Variants in KCNMA1 observed in about 807,000 individuals in gnomAD.
KCNMA1 encodes potassium calcium-activated channel subfamily M alpha 1, also known as Calcium-activated potassium channel subunit alpha-1.
KCNMA1 carries 29 observed loss-of-function variants against 140.0 expected under a neutral mutation model. The observed-to-expected ratio is 0.21, with a 90% CI of 0.15 to 0.28. The LOEUF (loss-of-function observed/expected upper bound fraction) is 0.28. Among genes scored for constraint, KCNMA1 ranks in the 10% least tolerant of loss-of-function variants. The probability of loss-of-function intolerance (pLI) is 1.00; values close to 1 mark genes in which losing one functional copy is unlikely to be tolerated. For synonymous variants in KCNMA1, 612 were observed against 611.9 expected (o/e 1.00, Z 0.00); for missense variants, 880 against 1,602.2 (o/e 0.55, Z 7.70).
At position 77,509,099 on chromosome 10, in the gene KCNMA1, GTTTTGTTGT is replaced by G. The variant is rs1418932796; in HGVS notation, c.379-105085_379-105077del. Among the ~76,000 whole-genome samples the G allele has an allele frequency of 2.4e-3, 325 of 134,560 alleles. 1 individual carries two copies. Among genetic ancestry groups the G allele is most frequent in the African/African-American group, 6.7e-3 (222 of 33,138 alleles). 88.3% of individuals were successfully genotyped at this position (134,560 alleles called of 152,430 possible). A position where few individuals can be genotyped will look rare whatever the true frequency, so the allele number is the denominator to read the frequency against. Reference sequence around the variant, plus strand: ...TTTTTTGTTGTTGTCATTTTGTTGGGTTTTGTTGTTGTTGTTGTTGTTGTTGTTGTTGTT... The same window carrying G: ...TTTTTTGTTGTTGTCATTTTGTTGGGTGTTGTTGTTGTTGTTGTTGTTGTT... On this transcript the variant is annotated intron_variant, in intron 1 of 27. Transcript: ENST00000286628.
At chr10:76,901,261 A>T (rs2045233750) in intron 25 of KCNMA1, 1 of 152,172 alleles carries the variant, frequency 6.6e-6, no homozygotes, top group Admixed American at 6.5e-5. Context: ...TGTTGGAAAC[A>T]TAGGCCATTT....
chr10:77,033,220 A>T (rs2094070880), intron 15 of KCNMA1, among the ~76,000 whole-genome samples: 1 of 152,190 alleles, frequency 6.6e-6, no homozygotes, highest in African/African-American at 2.4e-5. Context: ...CAGGAGCTTT[A>T]ATTTAAAATG....
At chr10:77,212,469 G>T (rs1039922038) in intron 3 of KCNMA1, among the ~76,000 whole-genome samples, 2 of 152,054 alleles carry the variant, frequency 1.3e-5, no homozygotes, top group Admixed American at 6.6e-5. Context: ...AAAGGACCGT[G>T]GGTTGAAAAA....
chr10:77,160,587 T>G (rs539913325), intron 5 of KCNMA1, among the ~76,000 whole-genome samples: 1 of 152,366 alleles, frequency 6.6e-6, no homozygotes, highest in Non-Finnish European at 1.5e-5. Context: ...GACCTCTAAG[T>G]CTAGCCCAGG....
At chr10:77,109,236 G>A (rs1057314506) in intron 8 of KCNMA1, among the ~76,000 whole-genome samples, 4 of 152,022 alleles carry the variant, frequency 2.6e-5, no homozygotes, top group African/African-American at 7.3e-5. Context: ...AAATGCTTGC[G>A]TGAATGTACA....
At chr10:77,204,468 C>T (rs1261940007) in intron 3 of KCNMA1, among the ~76,000 whole-genome samples, 1 of 152,158 alleles carries the variant, frequency 6.6e-6, no homozygotes, top group Non-Finnish European at 1.5e-5. Context: ...AAAAGTCATT[C>T]CTCTGAAACT....
chr10:77,006,316 AAT>A (rs2088604300), intron 18 of KCNMA1, among the ~76,000 whole-genome samples: 2 of 152,204 alleles, frequency 1.3e-5, no homozygotes, highest in Non-Finnish European at 2.9e-5. Flanking sequence ...CCATTCAATC[AAT>A]AGATACTTTT....
At chr10:77,154,718 C>T (rs748675432) in intron 5 of KCNMA1, among the ~76,000 whole-genome samples, 2 of 152,180 alleles carry the variant, frequency 1.3e-5, no homozygotes, top group South Asian at 2.1e-4. Flanking sequence ...CCTGGCATTG[C>T]TCTGTGTTGG....
At chr10:77,084,822 A>G (rs76144839) in intron 11 of KCNMA1, 103 bp from the exon 12 acceptor site, 10 of 469,772 alleles carry the variant, frequency 2.1e-5, no homozygotes, top group African/African-American at 2.1e-4. Flanking sequence ...CTTTGCAAAG[A>G]AAAAAAAAAA....
chr10:77,361,169 G>A (rs376122611), intron 2 of KCNMA1, among the ~76,000 whole-genome samples: 8 of 152,312 alleles, frequency 5.3e-5, no homozygotes, highest in Admixed American at 2.0e-4. Context: ...TACATGTGAT[G>A]AGGTCTAAAT....
chr10:77,361,402 G>A (rs190558000), intron 2 of KCNMA1, among the ~76,000 whole-genome samples: 166 of 152,256 alleles, frequency 1.1e-3, no homozygotes, highest in Non-Finnish European at 2.1e-3. Context: ...AGTGCTGGGC[G>A]CCCAAACAGG....
At chr10:77,469,305 G>A (rs1392551905) in intron 1 of KCNMA1, among the ~76,000 whole-genome samples, 1 of 152,182 alleles carries the variant, frequency 6.6e-6, no homozygotes, top group African/African-American at 2.4e-5. Flanking sequence ...CAGTTTATTG[G>A]AGAAGGAGGA....
At chr10:76,995,957 G>C (rs2084178247) in intron 19 of KCNMA1, among the ~76,000 whole-genome samples, 1 of 152,138 alleles carries the variant, frequency 6.6e-6, no homozygotes, top group South Asian at 2.1e-4. Context: ...AATTTCTTTT[G>C]AGAAGTTGGC....
chr10:77,042,144 T>C (rs1251910909), intron 14 of KCNMA1, among the ~76,000 whole-genome samples: 1 of 152,162 alleles, frequency 6.6e-6, no homozygotes, highest in Non-Finnish European at 1.5e-5. Flanking sequence ...GCAGTTTATC[T>C]ACAAATTGGC....
At chr10:77,492,109 T>C (rs1234387390) in intron 1 of KCNMA1, among the ~76,000 whole-genome samples, 1 of 152,208 alleles carries the variant, frequency 6.6e-6, no homozygotes, top group Non-Finnish European at 1.5e-5. Context: ...TGACAGCCAG[T>C]GTGCTAATGA....
At chr10:77,411,694 T>C (rs149775948) in intron 1 of KCNMA1, among the ~76,000 whole-genome samples, 1 of 152,330 alleles carries the variant, frequency 6.6e-6, no homozygotes, top group East Asian at 1.9e-4. Flanking sequence ...ATGCCACTTC[T>C]GGGTACTGCT....
At chr10:77,456,472 CTTGT>C (rs1191423288) in intron 1 of KCNMA1, among the ~76,000 whole-genome samples, 2 of 152,180 alleles carry the variant, frequency 1.3e-5, no homozygotes, top group East Asian at 1.9e-4. Flanking sequence ...CATTTGTTCT[CTTGT>C]TTGTTTTCTG....
chr10:77,217,837 T>C (rs1177446000), intron 3 of KCNMA1, among the ~76,000 whole-genome samples: 1 of 152,220 alleles, frequency 6.6e-6, no homozygotes, highest in Non-Finnish European at 1.5e-5. Context: ...TTACTTGTTA[T>C]TCTTCTCAAG....
At chr10:77,200,214 G>C (rs1039387219) in intron 3 of KCNMA1, among the ~76,000 whole-genome samples, 1 of 152,196 alleles carries the variant, frequency 6.6e-6, no homozygotes, top group Non-Finnish European at 1.5e-5. Context: ...GCCTCCCAAA[G>C]TGCTGGGATT....
Sources: allele counts gnomAD v4.1 joint callset (sites outside exome capture counted in the v4.1 genomes callset), GRCh38; gene constraint gnomAD v4.1.1; transcripts MANE v1.5; gene names NCBI Gene and HGNC (gene_info 2026-07-23, HGNC 2026-07-21).